Variants in KCTD1 observed in about 807,000 individuals in gnomAD.
The protein encoded by KCTD1 is potassium channel tetramerization domain containing 1.
Under a neutral mutation model 66.0 loss-of-function variants are expected in KCTD1, and 24 were observed. The ratio of observed to expected loss-of-function variants is 0.36; its 90% CI spans 0.26 to 0.51. The LOEUF is 0.51. KCTD1 is among the 20% of genes least tolerant of loss of function. The probability of loss-of-function intolerance (pLI) is 0.95; values close to 1 mark genes in which losing one functional copy is unlikely to be tolerated. For missense variants in KCTD1, 943 were observed against 1,205.2 expected (o/e 0.78, Z 3.22); for synonymous variants, 511 against 517.2 (o/e 0.99, Z 0.16).
chr18:26,503,556 A>C (rs1982876730), intron 1 of KCTD1, among the ~76,000 whole-genome samples: 1 of 152,066 alleles, frequency 6.6e-6, no homozygotes, highest in Admixed American at 6.6e-5. Context: ...TCAGCCCATC[A>C]CAGCGCGGCA....
intron 1 of KCTD1, among the ~76,000 whole-genome samples, chr18:26,527,711 T>C (rs1326765549): frequency 1.3e-5 from 2 of 152,176 alleles, no homozygotes; most frequent in Non-Finnish European, 2.9e-5. Flanking sequence ...TACCACGCTG[T>C]TTCTAGATGT....
rs542465190 is a variant in KCTD1 at position 26,612,470 on chromosome 18, G to GTCTT, written c.-16+16673_-16+16676dup. The stretch of plus-strand genomic sequence containing the variant: ...TGGGTCCTAATCCAATAGGACCGGT[G>GTCTT]TCTTTGTAAGAAGAGGAAACTTGGA... On this transcript the variant is annotated intron_variant, in intron 1 of 4. Transcript: ENST00000317932. 1.8e-3 allele frequency among the ~76,000 whole-genome samples: 275 copies of GTCTT among 152,318 alleles called. 1 individual carries two copies. Among genetic ancestry groups the GTCTT allele is most frequent in the African/African-American group, 6.3e-3 (263 of 41,564 alleles).
chr18:26,653,300 C>G (rs547276133), intron 1 of KCTD1, among the ~76,000 whole-genome samples: 1 of 152,352 alleles, frequency 6.6e-6, no homozygotes, highest in Non-Finnish European at 1.5e-5. Flanking sequence ...CTTTGCTAAG[C>G]CTCTCCTGGC....
chr18:26,597,795 A>G (rs971887117), intron 1 of KCTD1, among the ~76,000 whole-genome samples: 3 of 151,950 alleles, frequency 2.0e-5, no homozygotes, highest in Non-Finnish European at 4.4e-5. Flanking sequence ...CTGGGATTAC[A>G]GGGGTCCGCT....
Position 26,548,345 on chromosome 18 carries a change from GTCCTCCTCCTCCTCTTCC to G in KCTD1, c.174_191del (p.Glu58_Glu63del). On this transcript the variant is annotated inframe_deletion, in exon 1 of 5. Coordinates refer to ENST00000580059, the MANE Select transcript of KCTD1 (RefSeq NM_001142730.3). ...CCGTTATCTGCACCTCCTGGATCTC[GTCCTCCTCCTCCTCTTCC>G]TCCTCCTCCTCGCCCGCGCTGCAGT... 6.7e-7 allele frequency: 1 copy of G among 1,482,512 alleles called. No individual in the cohort carries two copies. Among genetic ancestry groups the G allele is most frequent in the Admixed American group, 2.1e-5 (1 of 47,766 alleles). The allele number at this position is 1,482,512 out of a possible 1,614,324, so 91.8% of individuals were successfully genotyped here. A position where few individuals can be genotyped will look rare whatever the true frequency, so the allele number is the denominator to read the frequency against.
intron 1 of KCTD1, among the ~76,000 whole-genome samples, chr18:26,558,600 T>C (rs1985765412): frequency 1.3e-5 from 2 of 152,154 alleles, no homozygotes; most frequent in Admixed American, 1.3e-4. Flanking sequence ...GTGGCTGGTA[T>C]ACACAATGGA....
chr18:26,530,201 T>C (rs1984369952), intron 1 of KCTD1, among the ~76,000 whole-genome samples: 1 of 152,178 alleles, frequency 6.6e-6, no homozygotes, highest in Non-Finnish European at 1.5e-5. Flanking sequence ...CCCCCTCAAG[T>C]TGGAGTTCTT....
chr18:26,624,971 G>A (rs538769116), intron 1 of KCTD1, among the ~76,000 whole-genome samples: 15 of 152,336 alleles, frequency 9.8e-5, no homozygotes, highest in African/African-American at 3.6e-4. Context: ...AATCAAAGGA[G>A]ATCATTTTGG....
intron 1 of KCTD1, among the ~76,000 whole-genome samples, chr18:26,527,496 G>T (rs1052731053): frequency 1.6e-4 from 24 of 149,196 alleles, no homozygotes; most frequent in African/African-American, 5.4e-4. Flanking sequence ...AAAAAAAGGG[G>T]GGGGGGCGTG....
chr18:26,497,524 T>C (rs780906057), intron 2 of KCTD1, among the ~76,000 whole-genome samples: 19 of 152,212 alleles, frequency 1.2e-4, no homozygotes, highest in Admixed American at 2.6e-4. Context: ...CCCGACGCTA[T>C]GGGAAAAGCA....
intron 2 of KCTD1, among the ~76,000 whole-genome samples, chr18:26,498,870 T>C (rs1238771914): frequency 6.6e-6 from 1 of 152,130 alleles, no homozygotes; most frequent in African/African-American, 2.4e-5. Flanking sequence ...CCTCATAATA[T>C]ATAGCGCCAG....
intron 1 of KCTD1, among the ~76,000 whole-genome samples, chr18:26,626,884 T>C (rs1185205143): frequency 6.6e-6 from 1 of 152,202 alleles, no homozygotes; most frequent in Non-Finnish European, 1.5e-5. Flanking sequence ...GGAAATTGCC[T>C]GGTGGATTAC....
chr18:26,602,693 T>C (rs1986923977), intron 1 of KCTD1, among the ~76,000 whole-genome samples: 1 of 152,242 alleles, frequency 6.6e-6, no homozygotes, highest in African/African-American at 2.4e-5. Flanking sequence ...ATGATAGATC[T>C]CATAAATTCC....
At chr18:26,528,792 C>T (rs1010655606) in intron 1 of KCTD1, among the ~76,000 whole-genome samples, 1 of 152,188 alleles carries the variant, frequency 6.6e-6, no homozygotes, top group Non-Finnish European at 1.5e-5. Context: ...GGACGACTCC[C>T]TTTGCCCCTG....
chr18:26,651,493 G>A (rs544037036), intron 1 of KCTD1, among the ~76,000 whole-genome samples: 1 of 152,228 alleles, frequency 6.6e-6, no homozygotes, highest in South Asian at 2.1e-4. Flanking sequence ...CTATTTAGAA[G>A]GTAAAGTTGG....
chr18:26,496,777 C>G (rs1272206190), intron 2 of KCTD1, among the ~76,000 whole-genome samples: 2 of 151,142 alleles, frequency 1.3e-5, no homozygotes, highest in East Asian at 1.9e-4. Flanking sequence ...CGCATTGGAA[C>G]CACTGGTAAC....
At chr18:26,498,359 C>T (rs1982583998) in intron 2 of KCTD1, among the ~76,000 whole-genome samples, 1 of 151,394 alleles carries the variant, frequency 6.6e-6, no homozygotes, top group Admixed American at 6.6e-5. Flanking sequence ...ATTTCAGTAT[C>T]AGGTTAGGGG....
chr18:26,608,090 C>G (rs555415629), intron 1 of KCTD1, among the ~76,000 whole-genome samples: 3 of 152,174 alleles, frequency 2.0e-5, no homozygotes, highest in Admixed American at 2.0e-4. Flanking sequence ...TAAAGTTTCT[C>G]AATTGTTTGA....
rs1214504580 is a variant in KCTD1 at position 26,554,111 on chromosome 18, GGAAA to G, written c.-15-52865_-15-52862del. Among the ~76,000 whole-genome samples, 36 of 118,140 alleles carry G rather than the reference GGAAA, an allele frequency of 3.0e-4. 1 individual carries two copies. The highest frequency in any genetic ancestry group is 7.3e-5 in the Non-Finnish European group (4 of 54,446). The allele number at this position is 118,140 out of a possible 152,430, so 77.5% of individuals were successfully genotyped here. ...GAAAGAAAGAAAAAGAAGGAAGGAG[GGAAA>G]GAAAGAAAAGAGAAAGAAAGAATAA... On this transcript the variant is annotated intron_variant, in intron 1 of 4. Transcript: ENST00000317932.
Sources: gnomAD v4.1 joint callset for allele counts (sites outside exome capture counted in the v4.1 genomes callset) on GRCh38, gnomAD v4.1.1 for gene constraint, MANE v1.5 for transcripts, NCBI Gene and HGNC (gene_info 2026-07-23, HGNC 2026-07-21) for gene names.